The following DLEU7 variants were observed in gnomAD, a reference collection of about 807,000 sequenced individuals.
DLEU7 encodes deleted in lymphocytic leukemia 7, also known as leukemia-associated protein 7.
In DLEU7, 17 loss-of-function variants were observed where a neutral mutation model predicts 16.0. That is an observed-to-expected ratio of 1.06 (90% CI 0.73 to 1.59). DLEU7 has a LOEUF of 1.59. Among genes scored for constraint, DLEU7 ranks in the 40% most tolerant of loss-of-function variants. The probability of loss-of-function intolerance (pLI) is 0.00; values close to 1 mark genes in which losing one functional copy is unlikely to be tolerated. For missense variants in DLEU7, 308 were observed against 314.9 expected (o/e 0.98, Z 0.17); for synonymous variants, 113 against 139.8 (o/e 0.81, Z 1.35).
At chr13:50,751,831 T>G (rs1230192767) in intron 1 of DLEU7, among the ~76,000 whole-genome samples, 1 of 152,218 alleles carries the variant, frequency 6.6e-6, no homozygotes, top group Non-Finnish European at 1.5e-5. Context: ...CTTCTTTTCT[T>G]GGTTAACCTT....
chr13:50,737,652 A>G (rs1330370161), intron 1 of DLEU7, among the ~76,000 whole-genome samples: 1 of 152,108 alleles, frequency 6.6e-6, no homozygotes, highest in Non-Finnish European at 1.5e-5. Context: ...TGATGGATCA[A>G]TGTTGTGCGT....
At chr13:50,797,838 C>A (rs116171048) in intron 1 of DLEU7, among the ~76,000 whole-genome samples, 1 of 152,220 alleles carries the variant, frequency 6.6e-6, no homozygotes, top group African/African-American at 2.4e-5. Flanking sequence ...GCTCCCAAAT[C>A]TGCCAGAATT....
intron 1 of DLEU7, among the ~76,000 whole-genome samples, chr13:50,764,549 T>A (rs139551727): frequency 1.4e-4 from 21 of 152,356 alleles, no homozygotes; most frequent in South Asian, 4.1e-4. Context: ...GTTCAGAGGC[T>A]TTAAGTGTTT....
intron 1 of DLEU7, among the ~76,000 whole-genome samples, chr13:50,766,540 C>T (rs1271980019): frequency 1.3e-5 from 2 of 152,048 alleles, no homozygotes; most frequent in Non-Finnish European, 2.9e-5. Flanking sequence ...TACCAAACTT[C>T]GGGAATCTCT....
chr13:50,794,499 A>T (rs74078429), intron 1 of DLEU7, among the ~76,000 whole-genome samples: 2,093 of 152,292 alleles, frequency 0.014, 38 homozygotes, highest in African/African-American at 0.048. Context: ...TCTGACTCCT[A>T]TTCCTGTGTT....
chr13:50,716,042 T>C (rs2137701384), intron 1 of DLEU7, among the ~76,000 whole-genome samples: 1 of 152,342 alleles, frequency 6.6e-6, no homozygotes, highest in South Asian at 2.1e-4. Context: ...ACCTTCAAGA[T>C]CTCAAAACAC....
intron 1 of DLEU7, among the ~76,000 whole-genome samples, chr13:50,797,044 G>C (rs1387664442): frequency 6.6e-6 from 1 of 152,140 alleles, no homozygotes; most frequent in Non-Finnish European, 1.5e-5. Flanking sequence ...AAATGAAGAT[G>C]TATCACAGGT....
At chr13:50,822,881 A>G (rs192724284), downstream of DLEU7, 13 of 989,552 alleles carry the variant, frequency 1.3e-5, no homozygotes, top group East Asian at 1.2e-3. Context: ...CAAAGCAATT[A>G]TCAAATATCT....
chr13:50,816,311 C>T (rs9526692), intron 1 of DLEU7, among the ~76,000 whole-genome samples: 74,681 of 151,850 alleles, frequency 0.49, 18,795 homozygotes, highest in Middle Eastern at 0.56. Flanking sequence ...CCAATTAATG[C>T]AATGTGAGTG....
At chr13:50,713,616 T>C (rs1486251551) in intron 1 of DLEU7, among the ~76,000 whole-genome samples, 1 of 152,210 alleles carries the variant, frequency 6.6e-6, no homozygotes, top group African/African-American at 2.4e-5. Context: ...AAGTGAGCTC[T>C]TGACAGGAAA....
intron 1 of DLEU7, among the ~76,000 whole-genome samples, chr13:50,743,471 G>C (rs1432508033): frequency 6.6e-6 from 1 of 152,156 alleles, no homozygotes; most frequent in Admixed American, 6.5e-5. Flanking sequence ...ACAGCTGTTA[G>C]GTCTTGAGCA....
chr13:50,723,702 C>T (rs968452768), intron 1 of DLEU7, among the ~76,000 whole-genome samples: 1 of 152,064 alleles, frequency 6.6e-6, no homozygotes, highest in African/African-American at 2.4e-5. Context: ...AAGCCCCACC[C>T]TCAAAACCTC....
intron 1 of DLEU7, among the ~76,000 whole-genome samples, chr13:50,741,613 C>A (rs1239138352): frequency 6.6e-6 from 1 of 152,152 alleles, no homozygotes; most frequent in Non-Finnish European, 1.5e-5. Context: ...TTATAAACTG[C>A]CTGAAAGCCA....
At chr13:50,834,431 CA>C (rs141707617) in intron 1 of DLEU7, among the ~76,000 whole-genome samples, 3,836 of 147,492 alleles carry the variant, frequency 0.026, 67 homozygotes, top group Middle Eastern at 0.059. Context: ...CAAACATATG[CA>C]AAAAAAAAAA....
intron 1 of DLEU7, among the ~76,000 whole-genome samples, chr13:50,756,898 C>T (rs1874777413): frequency 6.6e-6 from 1 of 152,200 alleles, no homozygotes; most frequent in Non-Finnish European, 1.5e-5. Context: ...TTTCCCGCTG[C>T]TTCCTCTACC....
intron 1 of DLEU7, among the ~76,000 whole-genome samples, chr13:50,776,620 C>A (rs1017453586): frequency 6.6e-6 from 1 of 152,188 alleles, no homozygotes; most frequent in African/African-American, 2.4e-5. Context: ...GTCTCTTGGT[C>A]ACTAAGACAG....
At chr13:50,802,187 G>A (rs1159783527) in intron 1 of DLEU7, among the ~76,000 whole-genome samples, 1 of 146,754 alleles carries the variant, frequency 6.8e-6, no homozygotes, top group Non-Finnish European at 1.5e-5. Flanking sequence ...GAACAGGCCT[G>A]ATGCAGTTTA....
intron 1 of DLEU7, among the ~76,000 whole-genome samples, chr13:50,724,087 A>G (rs1873697046): frequency 6.6e-6 from 1 of 152,082 alleles, no homozygotes; most frequent in African/African-American, 2.4e-5. Flanking sequence ...GTTTTAAATT[A>G]TGAGGTACAG....
intron 1 of DLEU7, among the ~76,000 whole-genome samples, chr13:50,743,104 G>T (rs1874297281): frequency 6.6e-6 from 1 of 152,042 alleles, no homozygotes; most frequent in Non-Finnish European, 1.5e-5. Context: ...AAATAGCCCT[G>T]TGGCTGAATC....
Sources: allele counts gnomAD v4.1 joint callset (sites outside exome capture counted in the v4.1 genomes callset), GRCh38; gene constraint gnomAD v4.1.1; transcripts MANE v1.5; gene names NCBI Gene and HGNC (gene_info 2026-07-23, HGNC 2026-07-21).